The following FMN1 variants were observed in gnomAD, a reference collection of about 807,000 sequenced individuals.
The protein encoded by FMN1 is formin 1, also known as formin-1.
In FMN1, 110 loss-of-function variants were observed where a neutral mutation model predicts 132.4. The observed-to-expected ratio is 0.83, with a 90% CI of 0.71 to 0.97. FMN1 has a LOEUF of 0.97. FMN1 is among the 50% of genes least tolerant of loss of function. The probability of loss-of-function intolerance (pLI) is 0.00; values close to 1 mark genes in which losing one functional copy is unlikely to be tolerated. For missense variants in FMN1, 1,792 were observed against 1,705.3 expected (o/e 1.05, Z -0.90); for synonymous variants, 722 against 651.7 (o/e 1.11, Z -1.64).
At chr15:32,886,300 T>C (rs1341780489) in intron 16 of FMN1, among the ~76,000 whole-genome samples, 3 of 152,182 alleles carry the variant, frequency 2.0e-5, no homozygotes, top group African/African-American at 7.2e-5. Flanking sequence ...TGGTACTTCA[T>C]GTGTTTTGGT....
At chr15:33,009,616 A>G (rs1023916461) in intron 6 of FMN1, among the ~76,000 whole-genome samples, 3 of 152,176 alleles carry the variant, frequency 2.0e-5, no homozygotes, top group East Asian at 1.9e-4. Context: ...TACTTACTAT[A>G]TATCAGGCAT....
chr15:33,044,652 G>A (rs544021663), intron 6 of FMN1, among the ~76,000 whole-genome samples: 1 of 152,236 alleles, frequency 6.6e-6, no homozygotes, highest in Admixed American at 6.5e-5. Flanking sequence ...ACCAGCTGCA[G>A]AGAGGAGCTA....
rs201115791 is a variant in FMN1 at position 33,026,439 on chromosome 15, C to CACACACACACACACA, written c.2162-18365_2162-18364insTGTGTGTGTGTGTGT. Among the ~76,000 whole-genome samples the CACACACACACACACA allele has an allele frequency of 3.2e-4, 48 of 151,710 alleles. No individual in the cohort carries two copies. In the East Asian group the frequency reaches 7.7e-3, roughly 24 times the overall value. ...ACACACACACACACACACACACACA[C>CACACACACACACACA]TTCTGTTTATAAGACTAGGTTTAGC... is the stretch of plus-strand genomic sequence containing the variant. On this transcript the variant is annotated intron_variant, in intron 6 of 20. Transcript: ENST00000616417.
chr15:32,904,888 T>G (rs764019203), intron 12 of FMN1, among the ~76,000 whole-genome samples: 1 of 152,178 alleles, frequency 6.6e-6, no homozygotes, highest in Non-Finnish European at 1.5e-5. Flanking sequence ...CCATTACTGT[T>G]TTATCCTCTA....
chr15:33,164,658 T>C (rs1194762158), intron 3 of FMN1, among the ~76,000 whole-genome samples: 4 of 152,228 alleles, frequency 2.6e-5, no homozygotes, highest in Non-Finnish European at 5.9e-5. Flanking sequence ...GCTTTCCACA[T>C]GATTTCCATG....
chr15:33,099,840 T>C (rs1366126886), intron 4 of FMN1, among the ~76,000 whole-genome samples: 1 of 152,218 alleles, frequency 6.6e-6, no homozygotes, highest in Non-Finnish European at 1.5e-5. Context: ...TCTGCATTTT[T>C]CCAAGCTTTG....
intron 6 of FMN1, among the ~76,000 whole-genome samples, chr15:33,015,483 C>T (rs745897431): frequency 1.3e-5 from 2 of 152,116 alleles, no homozygotes; most frequent in Non-Finnish European, 2.9e-5. Context: ...TTTATGCGCT[C>T]TTTCTTACAC....
At chr15:33,075,094 G>A (rs1288916573) in intron 5 of FMN1, among the ~76,000 whole-genome samples, 2 of 140,566 alleles carry the variant, frequency 1.4e-5, no homozygotes, top group Non-Finnish European at 1.5e-5. Context: ...ACTCCTACAA[G>A]AGACTTACCC....
At chr15:33,062,126 TTTAG>T (rs1177758432) in intron 6 of FMN1, among the ~76,000 whole-genome samples, 10 of 152,114 alleles carry the variant, frequency 6.6e-5, no homozygotes, top group Non-Finnish European at 1.3e-4. Flanking sequence ...GGGATAGGTA[TTTAG>T]TAAGAAAAAA....
intron 3 of FMN1, among the ~76,000 whole-genome samples, chr15:33,165,380 G>A (rs974230093): frequency 6.6e-6 from 1 of 152,130 alleles, no homozygotes; most frequent in African/African-American, 2.4e-5. Flanking sequence ...AGCACAAGGG[G>A]TTTAAGTAGG....
At position 33,067,214 on chromosome 15, in the gene FMN1, A is replaced by G. The variant is rs770266840; in HGVS notation, c.2044-2140T>C. 8 of 1,613,466 alleles carry G rather than the reference A, an allele frequency of 5.0e-6. No individual in the cohort carries two copies. The East Asian group carries it at 8.9e-5, about 18-fold the overall frequency. ...CTGGCTGGGGCGACGCTCTGTCTGA[A>G]GACCACCGTTGCCAGCTTCCAGTTT... On this transcript the variant is annotated intron_variant, in intron 5 of 20. Coordinates refer to ENST00000616417, the MANE Select transcript of FMN1 (RefSeq NM_001277313.2).
At chr15:32,936,697 GAAGA>G (rs976169619) in intron 9 of FMN1, among the ~76,000 whole-genome samples, 9 of 151,716 alleles carry the variant, frequency 5.9e-5, no homozygotes, top group Non-Finnish European at 2.9e-5. Context: ...GAAGGAAGGA[GAAGA>G]AAGAAGGAAA....
chr15:32,802,962 C>T (rs1260224531), intron 18 of FMN1, among the ~76,000 whole-genome samples: 1 of 152,124 alleles, frequency 6.6e-6, no homozygotes, highest in African/African-American at 2.4e-5. Flanking sequence ...TATGTCTGTA[C>T]TTAGCAAAGT....
chr15:32,850,685 A>C (rs2058987977), intron 17 of FMN1, among the ~76,000 whole-genome samples: 1 of 152,222 alleles, frequency 6.6e-6, no homozygotes, highest in Admixed American at 6.5e-5. Context: ...AAACAGACAC[A>C]GTCCCAGCTG....
intron 6 of FMN1, among the ~76,000 whole-genome samples, chr15:33,062,291 C>T (rs147916334): frequency 2.9e-4 from 44 of 152,194 alleles, no homozygotes; most frequent in African/African-American, 1.0e-3. Flanking sequence ...ATGTATAACT[C>T]AAATTTTTAT....
At chr15:33,120,220 C>T (rs1428186610) in intron 4 of FMN1, among the ~76,000 whole-genome samples, 2 of 152,138 alleles carry the variant, frequency 1.3e-5, no homozygotes, top group Non-Finnish European at 2.9e-5. Flanking sequence ...TGCTCTACGG[C>T]TTTGAAGAAC....
intron 5 of FMN1, among the ~76,000 whole-genome samples, chr15:33,069,967 C>T (rs778666496): frequency 7.1e-6 from 1 of 140,120 alleles, no homozygotes; most frequent in East Asian, 2.2e-4. Flanking sequence ...GAAATGATCA[C>T]AACAGATCAT....
At chr15:33,013,487 AG>A (rs35698496) in intron 6 of FMN1, among the ~76,000 whole-genome samples, 70,568 of 152,040 alleles carry the variant, frequency 0.46, 19,063 homozygotes, top group East Asian at 0.71. Flanking sequence ...AGATGAACCA[AG>A]TTGGGTTGTG....
intron 18 of FMN1, among the ~76,000 whole-genome samples, chr15:32,800,686 A>C (rs1257044504): frequency 6.6e-6 from 1 of 152,184 alleles, no homozygotes; most frequent in Non-Finnish European, 1.5e-5. Flanking sequence ...ACCTGGAAAG[A>C]CTGTGTGGCA....
Sources: gnomAD v4.1 joint callset for allele counts (sites outside exome capture counted in the v4.1 genomes callset) on GRCh38, gnomAD v4.1.1 for gene constraint, MANE v1.5 for transcripts, NCBI Gene and HGNC (gene_info 2026-07-23, HGNC 2026-07-21) for gene names.